The following SLC9C1 variants were observed in gnomAD, a reference collection of about 807,000 sequenced individuals.
SLC9C1 encodes the protein solute carrier family 9 member C1.
A neutral mutation model predicts 140.9 loss-of-function variants in SLC9C1; 97 were observed. That is an observed-to-expected ratio of 0.69 (90% CI 0.58 to 0.82). The LOEUF (loss-of-function observed/expected upper bound fraction) is 0.82, where lower values mean the gene tolerates loss of function less well. SLC9C1 is among the 40% of genes least tolerant of loss of function. SLC9C1 has a pLI of 0.00. For missense variants in SLC9C1, 1,340 were observed against 1,389.3 expected (o/e 0.96, Z 0.56); for synonymous variants, 440 against 442.6 (o/e 0.99, Z 0.07).
At chr3:112,222,246 C>A (rs1240289271) in intron 13 of SLC9C1, among the ~76,000 whole-genome samples, 1 of 152,088 alleles carries the variant, frequency 6.6e-6, no homozygotes, top group Non-Finnish European at 1.5e-5. Context: ...AATACCAAAG[C>A]AATTAGATAC....
chr3:112,168,312 CACAAA>C (rs1191684384), intron 25 of SLC9C1, among the ~76,000 whole-genome samples: 1 of 146,966 alleles, frequency 6.8e-6, no homozygotes, highest in Non-Finnish European at 1.5e-5. Flanking sequence ...TCTCCCCCAA[CACAAA>C]ACAATACACA....
At chr3:112,164,645 A>G (rs566785771) in intron 26 of SLC9C1, among the ~76,000 whole-genome samples, 6 of 151,338 alleles carry the variant, frequency 4.0e-5, no homozygotes, top group African/African-American at 1.2e-4. Flanking sequence ...GAGGTCCGCT[A>G]TTAGTCGGAT....
chr3:112,154,982 C>A lies in SLC9C1; in HGVS notation c.3417+15G>T. Reference sequence around the variant, plus strand: ...ACCCAAAATACAACTTTTAGAAAGGCTGCTTTAAATTTACCTCCTTAACAT... The same window carrying A: ...ACCCAAAATACAACTTTTAGAAAGGATGCTTTAAATTTACCTCCTTAACAT... On this transcript the variant is annotated intron_variant, in intron 27 of 28. Coordinates refer to ENST00000305815, the MANE Select transcript of SLC9C1 (RefSeq NM_183061.3). The A allele has an allele frequency of 5.6e-6, 9 of 1,608,126 alleles. No individual in the cohort carries two copies. Among genetic ancestry groups the A allele is most frequent in the Non-Finnish European group, 6.8e-6 (8 of 1,177,334 alleles).
At position 112,141,142 on chromosome 3, in the gene SLC9C1, T is replaced by C; in HGVS notation, c.*130A>G. 2.0e-6 allele frequency: 2 copies of C among 984,524 alleles called. No individual in the cohort carries two copies. Among genetic ancestry groups the C allele is most frequent in the East Asian group, 5.9e-5 (2 of 33,866 alleles). 61.0% of individuals were successfully genotyped at this position (984,524 alleles called of 1,614,324 possible). On this transcript the variant is annotated 3_prime_UTR_variant, in exon 29 of 29. Transcript: ENST00000305815. Reference sequence around the variant, plus strand: ...TTCAAGGTCCAAATTTCTTTTCTGCTTAGCACCAAGATCATCCACACAGGA... The same window carrying C: ...TTCAAGGTCCAAATTTCTTTTCTGCCTAGCACCAAGATCATCCACACAGGA...
intron 27 of SLC9C1, among the ~76,000 whole-genome samples, chr3:112,152,325 G>A (rs912567112): frequency 2.6e-5 from 4 of 152,038 alleles, no homozygotes; most frequent in African/African-American, 4.8e-5. Context: ...GCTGTGCCTC[G>A]ATGTGCATGT....
At position 112,204,385 on chromosome 3, in the gene SLC9C1, C is replaced by G; in HGVS notation, c.2005G>C (p.Asp669His). 6.4e-7 allele frequency: 1 copy of G among 1,569,398 alleles called. No individual in the cohort carries two copies. The highest frequency in any genetic ancestry group is 8.6e-7 in the Non-Finnish European group (1 of 1,165,072). Reference protein sequence around the residue: ...ALLKIAAMRKDFFSHAWNIFE... With the variant: ...ALLKIAAMRKHFFSHAWNIFE... The stretch of plus-strand genomic sequence containing the variant: ...ATGTTCCAGGCATGTGAAAAAAAGT[C>G]CTTCCTCATTGCTGCTATCTGTTGA... The change falls in exon 17 of 29, where the codon GAC (aspartate) becomes CAC (histidine). Residue 669 changes from aspartate to histidine, a missense_variant. Coordinates refer to ENST00000305815, the MANE Select transcript of SLC9C1 (RefSeq NM_183061.3).
intron 27 of SLC9C1, among the ~76,000 whole-genome samples, chr3:112,153,250 A>G (rs1157249567): frequency 6.6e-6 from 1 of 152,076 alleles, no homozygotes; most frequent in Admixed American, 6.5e-5. Flanking sequence ...CCATGCCATC[A>G]TTCTTTTTTT....
Position 112,231,354 on chromosome 3 carries a change from A to G in SLC9C1, c.1572+7T>C. ...AAACATAATTTCAAAAGAGAATAAT[A>G]CAGTACTATTTGTGCTGACAAGAGA... On this transcript the variant is annotated splice_region_variant and intron_variant, in intron 13 of 28. Coordinates refer to ENST00000305815, the MANE Select transcript of SLC9C1 (RefSeq NM_183061.3). 6.2e-7 allele frequency: 1 copy of G among 1,612,732 alleles called. No individual in the cohort carries two copies. Among genetic ancestry groups the G allele is most frequent in the Non-Finnish European group, 8.5e-7 (1 of 1,179,422 alleles).
intron 1 of SLC9C1, among the ~76,000 whole-genome samples, chr3:112,288,628 C>T (rs897327349): frequency 1.3e-5 from 2 of 152,152 alleles, no homozygotes; most frequent in Admixed American, 1.3e-4. Flanking sequence ...GTGGTGCTCG[C>T]CTATGGTCCT....
At chr3:112,196,481 T>C (rs1218006247) in intron 20 of SLC9C1, among the ~76,000 whole-genome samples, 1 of 152,108 alleles carries the variant, frequency 6.6e-6, no homozygotes, top group Non-Finnish European at 1.5e-5. Context: ...TTGTCTTTTT[T>C]CCTTCTCTCT....
At position 112,199,472 on chromosome 3, in the gene SLC9C1, A is replaced by T. The variant is rs758340425; in HGVS notation, c.2375-3T>A. The stretch of plus-strand genomic sequence containing the variant: ...TGGGTGATCATACTCTAAGTAGCCT[A>T]AAAAATAACAAAATATTTTTAGATT... On this transcript the variant is annotated splice_polypyrimidine_tract_variant and splice_region_variant and intron_variant, in intron 19 of 28. Coordinates refer to ENST00000305815, the MANE Select transcript of SLC9C1 (RefSeq NM_183061.3). 6.5e-7 allele frequency: 1 copy of T among 1,548,000 alleles called. No homozygotes were observed. The highest frequency in any genetic ancestry group is 8.7e-7 in the Non-Finnish European group (1 of 1,154,178).
intron 13 of SLC9C1, among the ~76,000 whole-genome samples, chr3:112,226,003 A>G (rs924071111): frequency 6.6e-6 from 1 of 151,978 alleles, no homozygotes; most frequent in Admixed American, 6.6e-5. Flanking sequence ...CATTGGAAGG[A>G]CTATCTACAC....
At chr3:112,194,204 A>G (rs2077723602) in intron 20 of SLC9C1, among the ~76,000 whole-genome samples, 1 of 152,086 alleles carries the variant, frequency 6.6e-6, no homozygotes, top group Non-Finnish European at 1.5e-5. Flanking sequence ...ACTGTGCGAT[A>G]CTTCTGTAGG....
intron 17 of SLC9C1, among the ~76,000 whole-genome samples, chr3:112,203,797 A>T (rs1246662932): frequency 6.6e-6 from 1 of 151,904 alleles, no homozygotes; most frequent in Non-Finnish European, 1.5e-5. Context: ...CTATAATACT[A>T]TATGTATTTT....
intron 10 of SLC9C1, among the ~76,000 whole-genome samples, chr3:112,262,472 T>C (rs988254955): frequency 5.3e-5 from 8 of 151,766 alleles, no homozygotes; most frequent in Non-Finnish European, 1.2e-4. Flanking sequence ...CCCAGACACA[T>C]GGTAGAAGGA....
intron 15 of SLC9C1, among the ~76,000 whole-genome samples, chr3:112,216,783 G>A (rs1411332578): frequency 6.6e-6 from 1 of 152,228 alleles, no homozygotes; most frequent in Non-Finnish European, 1.5e-5. Flanking sequence ...CAACCATTGT[G>A]GAAGACAGTG....
At chr3:112,240,558 G>A (rs1156676585) in intron 11 of SLC9C1, among the ~76,000 whole-genome samples, 1 of 152,204 alleles carries the variant, frequency 6.6e-6, no homozygotes, top group East Asian at 1.9e-4. Context: ...GTCTGAACAA[G>A]AGAGAATTTG....
intron 1 of SLC9C1, among the ~76,000 whole-genome samples, chr3:112,290,045 G>A (rs775154032): frequency 9.2e-5 from 14 of 152,260 alleles, no homozygotes; most frequent in Middle Eastern, 3.4e-3. Context: ...CTGCTCCAGG[G>A]GAAGCCCCTG....
At chr3:112,290,442 T>G (rs916492909) in intron 1 of SLC9C1, among the ~76,000 whole-genome samples, 2 of 152,222 alleles carry the variant, frequency 1.3e-5, no homozygotes, top group Non-Finnish European at 2.9e-5. Context: ...TTTCAGTTCT[T>G]TTGCATTTGC....
Sources: allele counts gnomAD v4.1 joint callset (sites outside exome capture counted in the v4.1 genomes callset), GRCh38; gene constraint gnomAD v4.1.1; transcripts MANE v1.5; gene names NCBI Gene and HGNC (gene_info 2026-07-23, HGNC 2026-07-21).